Variants in GRB10 observed in about 807,000 individuals in gnomAD.
GRB10 encodes the protein growth factor receptor-bound protein 10.
GRB10 carries 20 observed loss-of-function variants against 80.9 expected under a neutral mutation model. That is an observed-to-expected ratio of 0.25 (90% CI 0.17 to 0.36). The LOEUF (loss-of-function observed/expected upper bound fraction) is 0.36, where lower values mean the gene tolerates loss of function less well. Ranked by LOEUF, GRB10 falls within the 10% of genes least tolerant of loss-of-function variation. GRB10 has a pLI of 1.00. For synonymous variants in GRB10, 291 were observed against 291.5 expected, an observed-to-expected ratio of 1.00 and a Z score of 0.02; for missense variants, 548 against 747.7, an observed-to-expected ratio of 0.73 and a Z score of 3.12.
At chr7:50,792,360 G>T (rs1267040238) in intron 1 of GRB10, 4 of 395,676 alleles carry the variant, frequency 1.0e-5, no homozygotes, top group Admixed American at 8.8e-5. Context: ...ATTACCCAAC[G>T]TTTCGGTGAA....
At chr7:50,601,424 C>T (rs982072308) in intron 17 of GRB10, among the ~76,000 whole-genome samples, 3 of 152,158 alleles carry the variant, frequency 2.0e-5, no homozygotes, top group Non-Finnish European at 2.9e-5. Flanking sequence ...ACCTGATTTA[C>T]CCAGCAGTTT....
chr7:50,693,955 G>A (rs1436700310), intron 5 of GRB10, among the ~76,000 whole-genome samples: 6 of 151,700 alleles, frequency 4.0e-5, no homozygotes, highest in African/African-American at 1.2e-4. Flanking sequence ...AGTGTCTCTG[G>A]CCAAGCAGAA....
chr7:50,672,197 C>G (rs900290439), intron 6 of GRB10, among the ~76,000 whole-genome samples: 2 of 152,222 alleles, frequency 1.3e-5, no homozygotes, highest in African/African-American at 4.8e-5. Context: ...CATGGCAGCC[C>G]CCGGTAAGTT....
chr7:50,760,536 T>A (rs907185841), intron 2 of GRB10, among the ~76,000 whole-genome samples: 1 of 152,128 alleles, frequency 6.6e-6, no homozygotes, highest in African/African-American at 2.4e-5. Context: ...AGTGGAATAA[T>A]CCTAAAACTA....
chr7:50,725,082 C>T (rs2068387658), intron 4 of GRB10, among the ~76,000 whole-genome samples: 1 of 152,284 alleles, frequency 6.6e-6, no homozygotes, highest in African/African-American at 2.4e-5. Flanking sequence ...GCCCTACCTG[C>T]TGTAATGGCG....
intron 7 of GRB10, among the ~76,000 whole-genome samples, chr7:50,639,296 A>G (rs1424218105): frequency 6.6e-6 from 1 of 152,242 alleles, no homozygotes; most frequent in Non-Finnish European, 1.5e-5. Flanking sequence ...TCAAGTTTGC[A>G]GTGAAAATTA....
chr7:50,656,186 G>A (rs2058623165), intron 7 of GRB10, among the ~76,000 whole-genome samples: 3 of 152,208 alleles, frequency 2.0e-5, no homozygotes, highest in Admixed American at 2.0e-4. Context: ...GAACCCTGAG[G>A]AGACAGGCGC....
chr7:50,711,127 A>G, intron 4 of GRB10: 2 of 573,938 alleles, frequency 3.5e-6, no homozygotes, highest in Non-Finnish European at 3.1e-6. Flanking sequence ...CAGGCTTAAC[A>G]GGGATCAACT....
intron 6 of GRB10, among the ~76,000 whole-genome samples, chr7:50,671,892 A>T (rs1029793535): frequency 6.6e-6 from 1 of 152,210 alleles, no homozygotes; most frequent in African/African-American, 2.4e-5. Flanking sequence ...AATCCCCACC[A>T]AAGAGGCTCA....
chr7:50,644,430 C>T (rs2056826180), intron 7 of GRB10, among the ~76,000 whole-genome samples: 1 of 151,826 alleles, frequency 6.6e-6, no homozygotes, highest in Non-Finnish European at 1.5e-5. Context: ...TTCTTCCTCC[C>T]TCTTGTATTG....
At chr7:50,686,695 G>A (rs953241799) in intron 5 of GRB10, among the ~76,000 whole-genome samples, 1 of 152,124 alleles carries the variant, frequency 6.6e-6, no homozygotes, top group Non-Finnish European at 1.5e-5. Flanking sequence ...GCACCTGCAA[G>A]GTACCAGATA....
intron 13 of GRB10, among the ~76,000 whole-genome samples, 161 bp downstream of exon 13, chr7:50,612,580 T>A (rs2049752435): frequency 6.6e-6 from 1 of 152,222 alleles, no homozygotes; most frequent in Non-Finnish European, 1.5e-5. Context: ...GCTCCTGAGA[T>A]CTTGTTTAGA....
upstream of GRB10, among the ~76,000 whole-genome samples, chr7:50,787,269 A>AGGC (rs1458355418): frequency 6.2e-5 from 1 of 16,182 alleles, no homozygotes; most frequent in Non-Finnish European, 4.8e-4. Context: ...TCTGGAGAGC[A>AGGC]GGAGGAGGAG....
intron 2 of GRB10, among the ~76,000 whole-genome samples, chr7:50,763,274 T>G (rs1300837478): frequency 6.6e-6 from 1 of 152,154 alleles, no homozygotes; most frequent in African/African-American, 2.4e-5. Flanking sequence ...AAAACAGACA[T>G]GTGAAACATG....
intron 1 of GRB10, among the ~76,000 whole-genome samples, chr7:50,792,197 C>T (rs890597671): frequency 6.6e-6 from 1 of 152,146 alleles, no homozygotes; most frequent in Admixed American, 6.5e-5. Flanking sequence ...TGTGCAATAA[C>T]GCATATTTAC....
chr7:50,779,939 C>G (rs1442889751), intron 2 of GRB10, among the ~76,000 whole-genome samples: 1 of 152,140 alleles, frequency 6.6e-6, no homozygotes, highest in Non-Finnish European at 1.5e-5. Flanking sequence ...ACCAGAAATG[C>G]CCCTGGAGAG....
At chr7:50,642,893 A>T (rs2056529292) in intron 7 of GRB10, among the ~76,000 whole-genome samples, 1 of 152,246 alleles carries the variant, frequency 6.6e-6, no homozygotes, top group Non-Finnish European at 1.5e-5. Context: ...TGCCTACTCA[A>T]GAATGTAGAA....
intron 8 of GRB10, among the ~76,000 whole-genome samples, chr7:50,621,395 A>T (rs1245195854): frequency 6.6e-6 from 1 of 152,208 alleles, no homozygotes; most frequent in Non-Finnish European, 1.5e-5. Context: ...GTGACTCCAG[A>T]GGGCGCCTAC....
chr7:50,657,927 T>C (rs1405775035), intron 7 of GRB10, among the ~76,000 whole-genome samples: 1 of 152,206 alleles, frequency 6.6e-6, no homozygotes, highest in Non-Finnish European at 1.5e-5. Context: ...CTCAAACTAC[T>C]TGTCCTTCAG....
Sources: allele counts gnomAD v4.1 joint callset (sites outside exome capture counted in the v4.1 genomes callset), GRCh38; gene constraint gnomAD v4.1.1; transcripts MANE v1.5; gene names NCBI Gene and HGNC (gene_info 2026-07-23, HGNC 2026-07-21).